POTEC: variants seen among roughly 807,000 people sequenced by gnomAD.
POTEC encodes POTE ankyrin domain family member C, also known as ANKRD26-like family B member 2.
A neutral mutation model predicts 62.0 loss-of-function variants in POTEC; 35 were observed. The observed-to-expected ratio is 0.56, with a 90% CI of 0.43 to 0.75. The LOEUF is 0.75. POTEC is among the 30% of genes least tolerant of loss of function. The pLI, the probability that POTEC is intolerant of heterozygous loss-of-function variation, is 0.00. For synonymous variants in POTEC, 156 were observed against 221.5 expected (o/e 0.70, Z 2.62); for missense variants, 472 against 655.9 (o/e 0.72, Z 3.06).
At chr18:14,520,767 G>T (rs1164962891) in intron 9 of POTEC, among the ~76,000 whole-genome samples, 4 of 151,930 alleles carry the variant, frequency 2.6e-5, no homozygotes, top group Admixed American at 2.6e-4. Flanking sequence ...GCCTGTTTTT[G>T]TAAGTAAAGA....
At chr18:14,536,332 T>A (rs1462386306) in intron 3 of POTEC, among the ~76,000 whole-genome samples, 2 of 150,104 alleles carry the variant, frequency 1.3e-5, no homozygotes, top group Non-Finnish European at 3.0e-5. Flanking sequence ...TTCTGAGATA[T>A]AAGAATTTAC....
At chr18:14,532,379 T>C (rs917404974) in intron 5 of POTEC, among the ~76,000 whole-genome samples, 38 of 152,022 alleles carry the variant, frequency 2.5e-4, no homozygotes. Context: ...TTGGGAACAA[T>C]GGCTGAGCAT....
chr18:14,519,807 G>A (rs1720464380), intron 9 of POTEC, among the ~76,000 whole-genome samples: 1 of 151,932 alleles, frequency 6.6e-6, no homozygotes, highest in African/African-American at 2.4e-5. Context: ...ATGAGGAGGA[G>A]CAAGCAAAAC....
Position 14,542,881 on chromosome 18 carries a change from G to C in POTEC, c.266C>G (p.Ser89Cys), listed in dbSNP as rs753275117. The C allele has an allele frequency of 3.8e-6, 5 of 1,301,466 alleles. No individual in the cohort carries two copies. Among genetic ancestry groups the C allele is most frequent in the Non-Finnish European group, 5.3e-6 (5 of 936,342 alleles). 80.6% of individuals were successfully genotyped at this position (1,301,466 alleles called of 1,614,324 possible). ...CTTGCTCCTGAGCGTCTTCATAAAG[G>C]AGTTGTCATGGTCTCCAGAAGTGCC... is the stretch of plus-strand genomic sequence containing the variant. Reference protein sequence around the residue: ...NVGTSGDHDNSFMKTLRSKMG... With the variant: ...NVGTSGDHDNCFMKTLRSKMG... Residue 89 changes from serine (S) to cysteine (C), a missense_variant, in exon 1 of 11, where the codon TCC becomes TGC. By Grantham distance (112) the Ser-to-Cys change is moderately radical. Coordinates refer to ENST00000358970, the MANE Select transcript of POTEC (RefSeq NM_001137671.2).
chr18:14,534,048 A>G (rs1392518319), intron 4 of POTEC, among the ~76,000 whole-genome samples: 3 of 146,504 alleles, frequency 2.0e-5, no homozygotes, highest in South Asian at 2.3e-4. Flanking sequence ...AGCATTAGGT[A>G]TATCTCCCAA....
At position 14,509,345 on chromosome 18, in the gene POTEC, C is replaced by T. The variant is rs1211393200; in HGVS notation, c.*2553G>A. The T allele has an allele frequency of 2.6e-5, 4 of 152,038 alleles. No homozygotes were observed. Among genetic ancestry groups the T allele is most frequent in the Admixed American group, 2.6e-4 (4 of 15,272 alleles). 9.4% of individuals were successfully genotyped at this position (152,038 alleles called of 1,614,324 possible). A position where few individuals can be genotyped will look rare whatever the true frequency, so the allele number is the denominator to read the frequency against. On this transcript the variant is annotated 3_prime_UTR_variant, in exon 11 of 11. Transcript: ENST00000358970. ...GGTCACTCAGGGTATAAGAAGGTCC[C>T]TTTTCCTCTGCACAGCATTACCTCA...
chr18:14,521,873 A>G (rs1315216639), intron 9 of POTEC, among the ~76,000 whole-genome samples: 1 of 152,152 alleles, frequency 6.6e-6, no homozygotes, highest in Non-Finnish European at 1.5e-5. Context: ...GTGTGGCAGG[A>G]GGGAGACGAC....
intron 3 of POTEC, among the ~76,000 whole-genome samples, chr18:14,536,344 T>C (rs1905712576): frequency 6.6e-6 from 1 of 150,692 alleles, no homozygotes; most frequent in Non-Finnish European, 1.5e-5. Flanking sequence ...AGAATTTACA[T>C]ATTACACTTA....
chr18:14,543,387 G>C lies in POTEC; in HGVS notation c.-241C>G. ...CAACGCCCACCCCAGGAAAGGCCAA[G>C]CCCCCCCTCCCAAGGAAACACCCAG... On this transcript the variant is annotated 5_prime_UTR_variant, in exon 1 of 11. Coordinates refer to ENST00000358970, the MANE Select transcript of POTEC (RefSeq NM_001137671.2). 1 of 654,094 alleles carries C rather than the reference G, an allele frequency of 1.5e-6. No individual in the cohort carries two copies. The highest frequency in any genetic ancestry group is 2.6e-6 in the Non-Finnish European group (1 of 381,882). The allele number at this position is 654,094 out of a possible 1,614,324, so 40.5% of individuals were successfully genotyped here. A position where few individuals can be genotyped will look rare whatever the true frequency, so the allele number is the denominator to read the frequency against.
rs2143177259 is a variant in POTEC at position 14,542,953 on chromosome 18, C to G, written c.194G>C (p.Cys65Ser). The change falls in exon 1 of 11, where the codon TGC becomes TCC. Residue 65 changes from cysteine to serine, a missense_variant. By Grantham distance (112) the Cys-to-Ser change is moderately radical. This residue lies in a region of POTEC where 257 missense variants were observed against 250.7 expected (regional missense o/e 1.03). Transcript: ENST00000358970. ...CCTGCAGCAGGGGAAGCAGTGGTGG[C>G]AACACTTGCCCATCTTGCTCCTGAG... ...KMLRSKMGKCCHHCFPCCRGS... is the reference protein window; with the variant it reads ...KMLRSKMGKCSHHCFPCCRGS... 1 of 1,553,524 alleles carries G rather than the reference C, an allele frequency of 6.4e-7. No individual in the cohort carries two copies. The highest frequency in any genetic ancestry group is 1.2e-5 in the South Asian group (1 of 82,162).
intron 1 of POTEC, among the ~76,000 whole-genome samples, chr18:14,542,264 G>A (rs951493302): frequency 3.3e-5 from 5 of 152,136 alleles, no homozygotes; most frequent in Admixed American, 2.6e-4. Flanking sequence ...TAGCCCAGAA[G>A]TTGATATATT....
chr18:14,533,640 C>A (rs1274356807), intron 4 of POTEC, among the ~76,000 whole-genome samples: 4 of 152,116 alleles, frequency 2.6e-5, no homozygotes, highest in Admixed American at 1.3e-4. Flanking sequence ...GAATAGTAGT[C>A]ACAGGAGTTT....
At position 14,537,923 on chromosome 18, in the gene POTEC, C is replaced by T. The variant is rs201891428; in HGVS notation, c.688G>A (p.Ala230Thr). The T allele has an allele frequency of 1.6e-4, 252 of 1,612,560 alleles. No individual in the cohort carries two copies. In the African/African-American group the frequency reaches 2.7e-3, roughly 17 times the overall value. Residue 230 changes from alanine (A) to threonine (T), a missense_variant, in exon 3 of 11, where the codon GCT becomes ACT. By Grantham distance (58) the Ala-to-Thr change is moderately conservative (BLOSUM62 0). Coordinates refer to ENST00000358970, the MANE Select transcript of POTEC (RefSeq NM_001137671.2). Reference protein sequence around the residue: ...ECVLMLLEHGADQNIPDEYGN... With the variant: ...ECVLMLLEHGTDQNIPDEYGN... ...TACTCATCTGGAATATTTTGATCAG[C>T]GCCATGTTCCAGCAACATTAACACA...
chr18:14,512,478 GCATTA>G (rs928626766), intron 10 of POTEC, among the ~76,000 whole-genome samples: 19 of 152,224 alleles, frequency 1.2e-4, no homozygotes, highest in Non-Finnish European at 8.8e-5. Context: ...TCAGTTGTAA[GCATTA>G]CATTTATTCA....
rs1158054861 is a variant in POTEC, at chr18:14,537,172, AACACACACAC to A, written c.810+619_810+628del. ...AAGGAAACGAATGAACAACAATAAC[AACACACACAC>A]ACACACACACACACACACACACACA... On this transcript the variant is annotated intron_variant, in intron 3 of 10. Coordinates refer to ENST00000358970, the MANE Select transcript of POTEC (RefSeq NM_001137671.2). Among the ~76,000 whole-genome samples, 84 of 64,760 alleles carry A rather than the reference AACACACACAC, an allele frequency of 1.3e-3. 3 individuals are homozygous for A. The highest frequency in any genetic ancestry group is 4.8e-3 in the African/African-American group (81 of 16,972). 42.5% of individuals were successfully genotyped at this position (64,760 alleles called of 152,430 possible).
At position 14,543,363 on chromosome 18, in the gene POTEC, A is replaced by C. The variant is rs117130379; in HGVS notation, c.-217T>G. On this transcript the variant is annotated 5_prime_UTR_variant, in exon 1 of 11. Transcript: ENST00000358970. ...AAGCCCACGCCCACCAGGGGGACCCAACGCCCACCCCAGGAAAGGCCAAGC... is the reference window on the plus strand; with the variant it reads ...AAGCCCACGCCCACCAGGGGGACCCCACGCCCACCCCAGGAAAGGCCAAGC... 236,532 of 764,498 alleles carry C rather than the reference A, an allele frequency of 0.31. 43,621 individuals carry two copies. Among genetic ancestry groups the C allele is most frequent in the African/African-American group, 0.57 (31,011 of 54,448 alleles). 47.4% of individuals were successfully genotyped at this position (764,498 alleles called of 1,614,324 possible).
intron 9 of POTEC, among the ~76,000 whole-genome samples, chr18:14,518,513 T>C (rs878981642): frequency 6.7e-6 from 1 of 149,726 alleles, no homozygotes; most frequent in South Asian, 2.1e-4. Flanking sequence ...AAGTTAGAGA[T>C]GATAAATCAC....
In POTEC at chr18:14,542,981, T is replaced by A; in HGVS notation, c.166A>T (p.Met56Leu). The change falls in exon 1 of 11, where the codon ATG becomes TTG. Residue 56 changes from methionine (M) to leucine (L), a missense_variant. Coordinates refer to ENST00000358970, the MANE Select transcript of POTEC (RefSeq NM_001137671.2). ...CACTTGCCCATCTTGCTCCTGAGCA[T>A]CTTCATAAAGGAGTCGTCGTGGTCT... ...SGDHDDSFMK[M>L]LRSKMGKCCH... The A allele has an allele frequency of 1.9e-6, 3 of 1,576,102 alleles. No homozygotes were observed. Among genetic ancestry groups the A allele is most frequent in the Non-Finnish European group, 2.6e-6 (3 of 1,158,758 alleles).
chr18:14,530,417 C>T, intron 6 of POTEC, 66 bp downstream of exon 6: 1 of 1,596,666 alleles, frequency 6.3e-7, no homozygotes, highest in African/African-American at 1.3e-5. Flanking sequence ...TTCCACAAAA[C>T]TGGTCCCTGC....
Sources: gnomAD v4.1 joint callset for allele counts (sites outside exome capture counted in the v4.1 genomes callset) on GRCh38, gnomAD v4.1.1 for gene constraint, gnomAD v4.1.1 regional missense constraint, MANE v1.5 for transcripts, NCBI Gene and HGNC (gene_info 2026-07-23, HGNC 2026-07-21) for gene names.